Variants in DOK5 observed in about 807,000 individuals in gnomAD.
DOK5 encodes docking protein 5.
DOK5 carries 27 observed loss-of-function variants against 43.3 expected under a neutral mutation model. The ratio of observed to expected loss-of-function variants is 0.62; its 90% CI spans 0.46 to 0.86. The LOEUF is 0.86. Ranked by LOEUF, DOK5 falls within the 40% of genes least tolerant of loss-of-function variation. The pLI, the probability that DOK5 is intolerant of heterozygous loss-of-function variation, is 0.00. For synonymous variants in DOK5, 146 were observed against 140.1 expected (o/e 1.04, Z -0.30); for missense variants, 373 against 392.9 (o/e 0.95, Z 0.43).
chr20:54,527,724 T>C (rs1983626346), intron 1 of DOK5, among the ~76,000 whole-genome samples: 1 of 152,216 alleles, frequency 6.6e-6, no homozygotes, highest in Non-Finnish European at 1.5e-5. Flanking sequence ...GGGAACCAGT[T>C]TGTGTCCACC....
chr20:54,476,063 T>C, intron 1 of DOK5, 51 bp downstream of exon 1: 1 of 1,605,390 alleles, frequency 6.2e-7, no homozygotes, highest in Non-Finnish European at 8.5e-7. Flanking sequence ...ATTGTCTCTC[T>C]CTTGAGCCAG....
chr20:54,624,663 A>ATT (rs34097838), intron 6 of DOK5, among the ~76,000 whole-genome samples: 1 of 151,954 alleles, frequency 6.6e-6, no homozygotes, highest in Admixed American at 6.6e-5. Flanking sequence ...GGGGGAGAGA[A>ATT]TTTTTTTAGT....
At chr20:54,493,757 C>T (rs763446940) in intron 1 of DOK5, among the ~76,000 whole-genome samples, 21 of 151,642 alleles carry the variant, frequency 1.4e-4, no homozygotes, top group Non-Finnish European at 3.1e-4. Context: ...GGCAACATAA[C>T]GAGACCCTCG....
At chr20:54,596,490 C>A (rs1001077761) in intron 5 of DOK5, among the ~76,000 whole-genome samples, 3 of 152,198 alleles carry the variant, frequency 2.0e-5, no homozygotes, top group African/African-American at 7.2e-5. Flanking sequence ...TTTCACCCCA[C>A]CAAAGCTGAC....
chr20:54,568,442 A>C (rs1400986785), intron 2 of DOK5, among the ~76,000 whole-genome samples: 1 of 152,216 alleles, frequency 6.6e-6, no homozygotes, highest in East Asian at 1.9e-4. Context: ...AAGTTGGTGA[A>C]AAGTTTGTCA....
At position 54,639,825 on chromosome 20, in the gene DOK5, T is replaced by C. The variant is rs1216604189; in HGVS notation, c.736-3633T>C. ...TGGCATATTTCTGGTTACAAAAACA[T>C]TACCAAACTTCTAGATAAAGACAAA... On this transcript the variant is annotated intron_variant, in intron 6 of 7. Transcript: ENST00000262593. Among the ~76,000 whole-genome samples the C allele has an allele frequency of 3.3e-5, 5 of 152,280 alleles. No homozygotes were observed. In the East Asian group the frequency reaches 5.8e-4, roughly 18 times the overall value.
intron 6 of DOK5, among the ~76,000 whole-genome samples, chr20:54,633,338 G>C (rs1332891453): frequency 6.6e-6 from 1 of 152,222 alleles, no homozygotes; most frequent in East Asian, 1.9e-4. Flanking sequence ...AGTGAATGTG[G>C]AGGGTAGTGT....
At position 54,590,782 on chromosome 20, in the gene DOK5, C is replaced by T. The variant is rs531265565; in HGVS notation, c.410-834C>T. Among the ~76,000 whole-genome samples the T allele has an allele frequency of 3.9e-5, 6 of 152,250 alleles. No homozygotes were observed. In the South Asian group the frequency reaches 1.2e-3, roughly 32 times the overall value. On this transcript the variant is annotated intron_variant, in intron 4 of 7. Transcript: ENST00000262593. ...TGCCACATTGTCGTATGTAGGCAAT[C>T]TACCATAATGATGCATAGGTGGAAA...
intron 1 of DOK5, among the ~76,000 whole-genome samples, chr20:54,548,178 T>G (rs965912464): frequency 1.7e-4 from 26 of 152,220 alleles, no homozygotes; most frequent in African/African-American, 6.3e-4. Context: ...ACATGGAAGT[T>G]ATACTATCAT....
chr20:54,595,111 G>A (rs1420982282), intron 5 of DOK5, among the ~76,000 whole-genome samples: 4 of 152,156 alleles, frequency 2.6e-5, no homozygotes, highest in Admixed American at 2.0e-4. Context: ...GGAGGCCAAG[G>A]CGGGCAGATC....
At chr20:54,576,891 T>A (rs901799979) in intron 2 of DOK5, among the ~76,000 whole-genome samples, 1 of 152,234 alleles carries the variant, frequency 6.6e-6, no homozygotes, top group Non-Finnish European at 1.5e-5. Flanking sequence ...ATTCGTTTTT[T>A]CGCATTTCCA....
At chr20:54,492,773 G>T (rs113661073) in intron 1 of DOK5, among the ~76,000 whole-genome samples, 3,279 of 151,628 alleles carry the variant, frequency 0.022, 101 homozygotes, top group African/African-American at 0.071. Flanking sequence ...GATGTTCTTG[G>T]CCAGGTGCGG....
chr20:54,490,162 T>C (rs891249719), intron 1 of DOK5, among the ~76,000 whole-genome samples: 1 of 152,210 alleles, frequency 6.6e-6, no homozygotes, highest in African/African-American at 2.4e-5. Context: ...TTTACAAACA[T>C]ATAAATCATA....
chr20:54,479,082 T>C (rs963314979), intron 1 of DOK5, among the ~76,000 whole-genome samples: 2 of 152,148 alleles, frequency 1.3e-5, no homozygotes, highest in African/African-American at 4.8e-5. Flanking sequence ...TTTATATATG[T>C]GATTTTTTAA....
At chr20:54,548,069 C>T (rs1242765554) in intron 1 of DOK5, among the ~76,000 whole-genome samples, 1 of 152,050 alleles carries the variant, frequency 6.6e-6, no homozygotes. Context: ...AACATCCTAC[C>T]ATGCACAGGA....
chr20:54,492,968 T>C (rs952961885), intron 1 of DOK5, among the ~76,000 whole-genome samples: 1 of 150,360 alleles, frequency 6.7e-6, no homozygotes, highest in Non-Finnish European at 1.5e-5. Context: ...GGCAGGAGAA[T>C]TGCTTGGCCC....
intron 1 of DOK5, among the ~76,000 whole-genome samples, chr20:54,532,197 A>G (rs1487910648): frequency 1.3e-5 from 2 of 152,206 alleles, no homozygotes; most frequent in Admixed American, 1.3e-4. Context: ...GACCCTCTCG[A>G]CAACCCAGTG....
At chr20:54,543,074 T>C (rs1984219269) in intron 1 of DOK5, among the ~76,000 whole-genome samples, 1 of 152,034 alleles carries the variant, frequency 6.6e-6, no homozygotes, top group South Asian at 2.1e-4. Flanking sequence ...AACTAGAGGG[T>C]AAAAATACAC....
At chr20:54,542,506 T>G (rs1176277453) in intron 1 of DOK5, among the ~76,000 whole-genome samples, 1 of 152,204 alleles carries the variant, frequency 6.6e-6, no homozygotes, top group African/African-American at 2.4e-5. Context: ...TATATAACTT[T>G]CTGTTTTAGC....
Sources: gnomAD v4.1 joint callset for allele counts (sites outside exome capture counted in the v4.1 genomes callset) on GRCh38, gnomAD v4.1.1 for gene constraint, MANE v1.5 for transcripts, NCBI Gene and HGNC (gene_info 2026-07-23, HGNC 2026-07-21) for gene names.